CCR5AS: variants seen among roughly 807,000 people sequenced by gnomAD.
CCR5AS encodes CCR5 antisense RNA.
intron 1 of CCR5AS, among the ~76,000 whole-genome samples, chr3:46,398,841 GA>G (rs1407787977): frequency 6.6e-6 from 1 of 152,110 alleles, no homozygotes; most frequent in East Asian, 1.9e-4. Context: ...CAATTCTCAG[GA>G]TTTCTTTATT....
chr3:46,371,426 G>T (rs939605970), intron 2 of CCR5AS: 3 of 152,104 alleles, frequency 2.0e-5, no homozygotes, highest in Admixed American at 1.3e-4. Context: ...GCCTAAAAAT[G>T]GTCAAAATTA....
At chr3:46,365,351 C>T (rs1575276270) in intron 3 of CCR5AS, among the ~76,000 whole-genome samples, 2 of 152,314 alleles carry the variant, frequency 1.3e-5, no homozygotes, top group South Asian at 4.1e-4. Flanking sequence ...AGCAAAAACA[C>T]TATGACTTGC....
intron 1 of CCR5AS, among the ~76,000 whole-genome samples, chr3:46,398,147 T>C (rs982851294): frequency 6.6e-6 from 1 of 152,210 alleles, no homozygotes; most frequent in Non-Finnish European, 1.5e-5. Context: ...TCTCTGAGAC[T>C]ACAAATCCTG....
chr3:46,371,447 A>T (rs1043752932), intron 2 of CCR5AS: 1 of 152,246 alleles, frequency 6.6e-6, no homozygotes, highest in Non-Finnish European at 1.5e-5. Flanking sequence ...ATATTAAATT[A>T]CAAACGCCAA....
intron 2 of CCR5AS, among the ~76,000 whole-genome samples, chr3:46,389,272 AG>A (rs1701888180): frequency 1.3e-5 from 2 of 152,234 alleles, no homozygotes; most frequent in African/African-American, 4.8e-5. Flanking sequence ...AGGAGAGATC[AG>A]GCTGGCTGTC....
At position 46,400,900 on chromosome 3, in the gene CCR5AS, A is replaced by G. The variant is rs937114304; in HGVS notation, n.163+5997T>C. Among the ~76,000 whole-genome samples the G allele has an allele frequency of 3.9e-5, 6 of 152,340 alleles. No individual in the cohort carries two copies. In the South Asian group the frequency reaches 1.2e-3, roughly 32 times the overall value. On this transcript the variant is annotated intron_variant and non_coding_transcript_variant, in intron 1 of 3. Transcript: ENST00000451485. ...AATTAATAGCCAAAAAATGGCACCG[A>G]GGCCAAGGATGTCACCTTCTGACTC...
At chr3:46,395,601 A>C (rs1488320856) in intron 1 of CCR5AS, among the ~76,000 whole-genome samples, 1 of 152,212 alleles carries the variant, frequency 6.6e-6, no homozygotes, top group Non-Finnish European at 1.5e-5. Flanking sequence ...ATCGGAATGC[A>C]GAAAGACTTT....
chr3:46,370,384 G>T (rs1369480639), intron 3 of CCR5AS, among the ~76,000 whole-genome samples: 2 of 151,162 alleles, frequency 1.3e-5, no homozygotes, highest in Non-Finnish European at 2.9e-5. Context: ...ATTGGGTGGT[G>T]AGCATCTGTG....
intron 2 of CCR5AS, among the ~76,000 whole-genome samples, chr3:46,391,816 C>T (rs1575286064): frequency 6.6e-6 from 1 of 151,436 alleles, no homozygotes; most frequent in Admixed American, 6.6e-5. Context: ...CTAGGCCTAG[C>T]GAGGAACAGC....
chr3:46,404,850 A>C (rs896332468), intron 1 of CCR5AS, among the ~76,000 whole-genome samples: 1 of 152,192 alleles, frequency 6.6e-6, no homozygotes, highest in Non-Finnish European at 1.5e-5. Context: ...CAGGCTAGGC[A>C]CTCTAGAAAT....
intron 1 of CCR5AS, among the ~76,000 whole-genome samples, chr3:46,394,845 G>A (rs1043165252): frequency 6.6e-6 from 1 of 152,180 alleles, no homozygotes; most frequent in Non-Finnish European, 1.5e-5. Flanking sequence ...GCTGGAACCT[G>A]GGAAGGAGAG....
intron 2 of CCR5AS, among the ~76,000 whole-genome samples, chr3:46,384,329 C>G (rs1048685728): frequency 5.9e-5 from 9 of 152,232 alleles, no homozygotes; most frequent in African/African-American, 2.2e-4. Flanking sequence ...CTGTTCCTTA[C>G]TGTACACGTG....
Position 46,395,770 on chromosome 3 carries a change from C to T in CCR5AS, n.164-2718G>A, listed in dbSNP as rs143719436. On this transcript the variant is annotated intron_variant and non_coding_transcript_variant, in intron 1 of 3. Transcript: ENST00000451485. The stretch of plus-strand genomic sequence containing the variant: ...CTGAAGTTGAAGGTCCTGGTTCTGC[C>T]CCCAAGCCCTGGGCTCTCCTGAGAG... Among the ~76,000 whole-genome samples, 557 of 150,372 alleles carry T rather than the reference C, an allele frequency of 3.7e-3. 3 individuals are homozygous for T. Among genetic ancestry groups the T allele is most frequent in the African/African-American group, 0.013 (522 of 41,384 alleles).
chr3:46,395,682 G>A (rs553820635), intron 1 of CCR5AS, among the ~76,000 whole-genome samples: 2 of 152,226 alleles, frequency 1.3e-5, no homozygotes, highest in Non-Finnish European at 2.9e-5. Context: ...CCCTCCTTCC[G>A]CCTAGAAAAG....
At chr3:46,383,936 G>A (rs143976688) in intron 2 of CCR5AS, among the ~76,000 whole-genome samples, 8 of 152,288 alleles carry the variant, frequency 5.3e-5, no homozygotes, top group African/African-American at 1.9e-4. Context: ...AAGCAAAAAG[G>A]CAAAGTTTGA....
intron 2 of CCR5AS, among the ~76,000 whole-genome samples, chr3:46,388,177 G>T (rs1031867690): frequency 5.3e-5 from 8 of 152,158 alleles, no homozygotes; most frequent in African/African-American, 1.7e-4. Flanking sequence ...GTGATGAAAT[G>T]TTGGGGCAGC....
chr3:46,396,324 T>C (rs1701961558), intron 1 of CCR5AS, among the ~76,000 whole-genome samples: 1 of 152,000 alleles, frequency 6.6e-6, no homozygotes, highest in South Asian at 2.1e-4. Context: ...TTTAAGGGAG[T>C]GAGTGGGCAG....
intron 3 of CCR5AS, among the ~76,000 whole-genome samples, chr3:46,368,729 G>C (rs1010315092): frequency 6.6e-6 from 1 of 152,186 alleles, no homozygotes; most frequent in Non-Finnish European, 1.5e-5. Context: ...GAAGTATCTT[G>C]CCGAGGTCAC....
intron 2 of CCR5AS, among the ~76,000 whole-genome samples, chr3:46,387,098 A>T (rs1188049999): frequency 6.6e-6 from 1 of 152,180 alleles, no homozygotes; most frequent in Non-Finnish European, 1.5e-5. Flanking sequence ...GTGGAGGAAA[A>T]AGAGCTTTCT....
Sources: allele counts gnomAD v4.1 joint callset (sites outside exome capture counted in the v4.1 genomes callset), GRCh38; gene constraint gnomAD v4.1.1; transcripts MANE v1.5; gene names NCBI Gene and HGNC (gene_info 2026-07-23, HGNC 2026-07-21).